Variants in STAG1 observed in about 807,000 individuals in gnomAD.
STAG1 encodes STAG1 cohesin complex component.
A neutral mutation model predicts 170.9 loss-of-function variants in STAG1; 26 were observed. The ratio of observed to expected loss-of-function variants is 0.15; its 90% CI spans 0.11 to 0.21. The LOEUF (loss-of-function observed/expected upper bound fraction) is 0.21. STAG1 is among the 10% of genes least tolerant of loss of function. STAG1 has a pLI of 1.00. For synonymous variants in STAG1, 514 were observed against 497.7 expected (o/e 1.03, Z -0.44); for missense variants, 964 against 1,509.5 (o/e 0.64, Z 5.99).
intron 21 of STAG1, among the ~76,000 whole-genome samples, chr3:136,415,736 C>T (rs1181456574): frequency 6.6e-6 from 1 of 152,172 alleles, no homozygotes; most frequent in Non-Finnish European, 1.5e-5. Context: ...GCGGAAGAAT[C>T]GCTTGAACCC....
chr3:136,578,110 A>G (rs577350040), intron 4 of STAG1, among the ~76,000 whole-genome samples: 5 of 152,344 alleles, frequency 3.3e-5, no homozygotes, highest in African/African-American at 9.6e-5. Flanking sequence ...GGGAGTAACT[A>G]TATCTATGTG....
chr3:136,341,950 A>G (rs1388733944), intron 30 of STAG1, among the ~76,000 whole-genome samples: 1 of 152,176 alleles, frequency 6.6e-6, no homozygotes, highest in Non-Finnish European at 1.5e-5. Flanking sequence ...CTCAGTCTTT[A>G]TGGAGTCAAA....
At chr3:136,379,923 G>A (rs1462303307) in intron 22 of STAG1, among the ~76,000 whole-genome samples, 1 of 152,162 alleles carries the variant, frequency 6.6e-6, no homozygotes, top group Non-Finnish European at 1.5e-5. Flanking sequence ...TAGCATAAGA[G>A]TGCTAAAATT....
chr3:136,455,639 C>T lies in STAG1; in HGVS notation c.1314-3492G>A, dbSNP rs556377652. 1.9e-3 allele frequency among the ~76,000 whole-genome samples: 285 copies of T among 152,330 alleles called. 2 individuals carry two copies. Among genetic ancestry groups the T allele is most frequent in the Middle Eastern group, 0.014 (4 of 294 alleles). ...TGCACGGATCTTGGCAGCCACTCGG[C>T]ACATTGGCCAGTGGGAATGCCATGT... On this transcript the variant is annotated intron_variant, in intron 13 of 33. Coordinates refer to ENST00000383202, the MANE Select transcript of STAG1 (RefSeq NM_005862.3).
chr3:136,675,747 T>A (rs1942111258), intron 1 of STAG1, among the ~76,000 whole-genome samples: 1 of 152,044 alleles, frequency 6.6e-6, no homozygotes, highest in Non-Finnish European at 1.5e-5. Context: ...ACTATTTGGA[T>A]TTGCTTATTT....
At chr3:136,411,494 T>C (rs964517982) in intron 21 of STAG1, among the ~76,000 whole-genome samples, 1 of 152,210 alleles carries the variant, frequency 6.6e-6, no homozygotes, top group Non-Finnish European at 1.5e-5. Flanking sequence ...CAATAAATTC[T>C]GAAATGTGTG....
intron 5 of STAG1, among the ~76,000 whole-genome samples, chr3:136,566,461 C>T (rs997808925): frequency 6.6e-6 from 1 of 152,136 alleles, no homozygotes; most frequent in Non-Finnish European, 1.5e-5. Context: ...GTTACAGCAA[C>T]CCAAAGTAAG....
intron 1 of STAG1, among the ~76,000 whole-genome samples, chr3:136,694,773 C>T (rs1407523041): frequency 6.6e-6 from 1 of 152,062 alleles, no homozygotes; most frequent in South Asian, 2.1e-4. Context: ...ATCTGGGGAA[C>T]CTCACAATTG....
At chr3:136,715,564 G>A (rs1289056983) in intron 1 of STAG1, among the ~76,000 whole-genome samples, 2 of 150,862 alleles carry the variant, frequency 1.3e-5, no homozygotes, top group African/African-American at 2.4e-5. Context: ...AGGTTGCAGT[G>A]AGCCGAGATC....
In STAG1 at chr3:136,604,575, CTT is replaced by C. The variant is rs1018529552; in HGVS notation, c.133-104_133-103del. 3 of 1,075,310 alleles carry C rather than the reference CTT, an allele frequency of 2.8e-6. No homozygotes were observed. The African/African-American group carries it at 4.9e-5, about 18-fold the overall frequency. The allele number at this position is 1,075,310 out of a possible 1,614,324, so 66.6% of individuals were successfully genotyped here. On this transcript the variant is annotated intron_variant, in intron 3 of 33. Coordinates refer to ENST00000383202, the MANE Select transcript of STAG1 (RefSeq NM_005862.3). The stretch of plus-strand genomic sequence containing the variant: ...AAATATAATCCCTAACCAAAAGAAA[CTT>C]TAAAATTTCTTCTCAGTAATTCAAA...
intron 5 of STAG1, among the ~76,000 whole-genome samples, chr3:136,550,133 G>C (rs997598272): frequency 1.3e-5 from 2 of 152,030 alleles, no homozygotes; most frequent in Admixed American, 6.6e-5. Flanking sequence ...TGGTATAAGA[G>C]TAATGCTGCC....
In STAG1 at chr3:136,344,032, C is replaced by A. The variant is rs776624015; in HGVS notation, c.3272-26G>T. 2.6e-6 allele frequency: 4 copies of A among 1,532,596 alleles called. 1 individual carries two copies. In the South Asian group the frequency reaches 5.1e-5, roughly 20 times the overall value. 94.9% of individuals were successfully genotyped at this position (1,532,596 alleles called of 1,614,324 possible). A position where few individuals can be genotyped will look rare whatever the true frequency, so the allele number is the denominator to read the frequency against. On this transcript the variant is annotated intron_variant, in intron 29 of 33. Coordinates refer to ENST00000383202, the MANE Select transcript of STAG1 (RefSeq NM_005862.3). Reference sequence around the variant, plus strand: ...CTGTAAAATTCCAGTTAAGGTCACACAATGTCGTGGGTGGAGTGAACTCTG... The same window carrying A: ...CTGTAAAATTCCAGTTAAGGTCACAAAATGTCGTGGGTGGAGTGAACTCTG...
chr3:136,667,177 A>G (rs577472965), intron 1 of STAG1, among the ~76,000 whole-genome samples: 2 of 152,232 alleles, frequency 1.3e-5, no homozygotes, highest in African/African-American at 4.8e-5. Context: ...ACAAAAATTT[A>G]AAAATGGAGG....
chr3:136,682,444 A>G (rs1383132489), intron 1 of STAG1, among the ~76,000 whole-genome samples: 3 of 140,924 alleles, frequency 2.1e-5, no homozygotes, highest in Non-Finnish European at 4.8e-5. Flanking sequence ...AAAAAAAAAT[A>G]AAATATATAT....
In STAG1 at chr3:136,724,925, T is replaced by G. The variant is rs538124814; in HGVS notation, c.-84+27270A>C. On this transcript the variant is annotated intron_variant, in intron 1 of 33. Transcript: ENST00000383202. ...TGAATGTCTGTTCAAAAAAAAACAT[T>G]AAACCTATGTAAAAAATCATGAATA... 1.4e-3 allele frequency among the ~76,000 whole-genome samples: 212 copies of G among 152,270 alleles called. 1 individual carries two copies. The highest frequency in any genetic ancestry group is 3.5e-3 in the Admixed American group (53 of 15,286).
At chr3:136,477,668 T>A (rs2089788234) in intron 9 of STAG1, among the ~76,000 whole-genome samples, 6 of 152,154 alleles carry the variant, frequency 3.9e-5, no homozygotes, top group Admixed American at 3.9e-4. Context: ...GACAATGACA[T>A]TTGGAGCTTT....
chr3:136,643,115 T>C (rs1559926717), intron 1 of STAG1, among the ~76,000 whole-genome samples: 2 of 152,248 alleles, frequency 1.3e-5, no homozygotes, highest in Non-Finnish European at 1.5e-5. Flanking sequence ...TTCATAGGTA[T>C]AGGAATTAAG....
chr3:136,397,936 A>G lies in STAG1; in HGVS notation c.2277+813T>C, dbSNP rs150972728. On this transcript the variant is annotated intron_variant, in intron 22 of 33. Transcript: ENST00000383202. Reference sequence around the variant, plus strand: ...TTGTGTCTCTAGGTATCATACTACTATCTTTCAATGATGTTATTCTTTTTT... The same window carrying G: ...TTGTGTCTCTAGGTATCATACTACTGTCTTTCAATGATGTTATTCTTTTTT... Among the ~76,000 whole-genome samples the G allele has an allele frequency of 3.3e-3, 501 of 151,826 alleles. 1 individual carries two copies. The highest frequency in any genetic ancestry group is 5.7e-3 in the Non-Finnish European group (387 of 67,930).
chr3:136,512,104 A>AT (rs1934096528), intron 7 of STAG1, among the ~76,000 whole-genome samples: 5 of 150,116 alleles, frequency 3.3e-5, no homozygotes, highest in Non-Finnish European at 5.9e-5. Context: ...AATAAAAAAA[A>AT]AAAAAAAAAA....
Sources: allele counts gnomAD v4.1 joint callset (sites outside exome capture counted in the v4.1 genomes callset), GRCh38; gene constraint gnomAD v4.1.1; transcripts MANE v1.5; gene names NCBI Gene and HGNC (gene_info 2026-07-23, HGNC 2026-07-21).